MYH15: variants seen among roughly 807,000 people sequenced by gnomAD.
MYH15 encodes the protein myosin-15.
MYH15 carries 227 observed loss-of-function variants against 240.5 expected under a neutral mutation model. The ratio of observed to expected loss-of-function variants is 0.94; its 90% confidence interval spans 0.85 to 1.05. MYH15 has a LOEUF of 1.05. MYH15 is among the 50% of genes least tolerant of loss of function. The pLI, the probability that MYH15 is intolerant of heterozygous loss-of-function variation, is 0.00. For synonymous variants in MYH15, 785 were observed against 796.7 expected (o/e 0.99, Z 0.25); for missense variants, 2,217 against 2,247.5 (o/e 0.99, Z 0.27).
At chr3:108,463,383 C>G (rs951907075) in intron 15 of MYH15, 140 bp from the exon 16 acceptor site, 6 of 916,974 alleles carry the variant, frequency 6.5e-6, no homozygotes, top group Non-Finnish European at 9.7e-6. Context: ...GGCATAGTCA[C>G]AGTTCACTGT....
rs1261460561 is a variant in MYH15 at position 108,428,352 on chromosome 3, C to G, written c.3702+140G>C. The G allele has an allele frequency of 1.4e-5, 15 of 1,050,442 alleles. No individual in the cohort carries two copies. The Admixed American group carries it at 3.0e-4, about 21-fold the overall frequency. The allele number at this position is 1,050,442 out of a possible 1,614,324, so 65.1% of individuals were successfully genotyped here. ...CCACTAAGGTCAGGCCTGATCTATT[C>G]CGTCCAAAGGACTATAGTCTTCATT... is the stretch of plus-strand genomic sequence containing the variant. On this transcript the variant is annotated intron_variant, in intron 27 of 40. Coordinates refer to ENST00000693548, the MANE Select transcript of MYH15 (RefSeq NM_014981.3).
Position 108,505,809 on chromosome 3 carries a change from G to A in MYH15, c.109C>T (p.Pro37Ser), listed in dbSNP as rs776364938. The A allele has an allele frequency of 3.1e-6, 5 of 1,598,946 alleles. No individual in the cohort carries two copies. In the Admixed American group the frequency reaches 5.1e-5, roughly 16 times the overall value. The change falls in exon 2 of 41, where the codon CCT (proline) becomes TCT (serine). Residue 37 changes from proline to serine, a missense_variant. Transcript: ENST00000693548. ...TCGATATAAGCATTCTCACCATCAG[G>A]AATCCAGCATTTCTTCTTCCCTGTA... ...ALDGKKKCWI[P>S]DGENAYIEAE... is the part of the protein sequence containing the mutation.
the MYH15 span, among the ~76,000 whole-genome samples, chr3:108,544,780 C>T: frequency 6.6e-6 from 1 of 152,076 alleles, no homozygotes. Context: ...TCTCTGTAAA[C>T]ACAACACATA....
intron 35 of MYH15, among the ~76,000 whole-genome samples, chr3:108,394,858 T>C (rs370583881): frequency 2.0e-5 from 3 of 152,212 alleles, no homozygotes; most frequent in Non-Finnish European, 4.4e-5. Context: ...TCGCAGTGTA[T>C]ATAAAAGGCA....
intron 21 of MYH15, among the ~76,000 whole-genome samples, chr3:108,451,378 T>A (rs1445555186): frequency 6.6e-6 from 1 of 151,648 alleles, no homozygotes; most frequent in Non-Finnish European, 1.5e-5. Flanking sequence ...AGACTCTGTC[T>A]CAAAAAATAA....
At chr3:108,511,041 G>A (rs56116347), upstream of MYH15, among the ~76,000 whole-genome samples, 668 of 152,120 alleles carry the variant, frequency 4.4e-3, 5 homozygotes, top group African/African-American at 0.015. Context: ...ATGCCACCCT[G>A]CGCCATGGAG....
intron 9 of MYH15, among the ~76,000 whole-genome samples, chr3:108,488,100 ACT>A (rs2083319696): frequency 6.6e-6 from 1 of 151,672 alleles, no homozygotes; most frequent in Non-Finnish European, 1.5e-5. Context: ...TTTAAAATCT[ACT>A]CTGTTAGCCA....
rs778103537 is a variant in MYH15 at position 108,399,189 on chromosome 3, C to T, written c.4815G>A (p.Arg1605=). ...GGTCCTCTTCCATCTTCTTCTTCAG[C>T]CGGGTAACCTCAATTCTGCTCTTAG... ...SEAKSRIEVT[R]LKKKMEEDLN... The change falls in exon 34 of 41, where the codon CGG becomes CGA. Residue 1605 remains arginine (R), a synonymous_variant. Coordinates refer to ENST00000693548, the MANE Select transcript of MYH15 (RefSeq NM_014981.3). The T allele has an allele frequency of 3.2e-5, 51 of 1,614,172 alleles. No homozygotes were observed. The highest frequency in any genetic ancestry group is 3.8e-5 in the Non-Finnish European group (45 of 1,180,022).
intron 11 of MYH15, among the ~76,000 whole-genome samples, chr3:108,480,863 C>A (rs987933529): frequency 1.3e-5 from 2 of 152,134 alleles, no homozygotes; most frequent in Non-Finnish European, 2.9e-5. Flanking sequence ...GGCTAAGATG[C>A]CCCTTTGGGT....
intron 32 of MYH15, among the ~76,000 whole-genome samples, chr3:108,406,163 C>T (rs1410197689): frequency 1.3e-5 from 2 of 151,964 alleles, no homozygotes; most frequent in Non-Finnish European, 2.9e-5. Context: ...CTTTAAAACC[C>T]GTCCTGAAGC....
chr3:108,462,532 A>G (rs944054343), intron 16 of MYH15, among the ~76,000 whole-genome samples: 1 of 152,104 alleles, frequency 6.6e-6, no homozygotes, highest in Non-Finnish European at 1.5e-5. Flanking sequence ...CATTCTGTAT[A>G]TATCTTAAAG....
At chr3:108,459,285 T>C (rs2083050911) in intron 18 of MYH15, 77 bp downstream of exon 18, 1 of 923,630 alleles carries the variant, frequency 1.1e-6, no homozygotes, top group Non-Finnish European at 1.6e-6. Flanking sequence ...CCAATAAATA[T>C]TTCTTTAAAA....
chr3:108,496,150 T>A, intron 6 of MYH15, among the ~76,000 whole-genome samples: 1 of 152,182 alleles, frequency 6.6e-6, no homozygotes, highest in East Asian at 1.9e-4. Context: ...GAAAAGCAAA[T>A]GGTCACCAAA....
chr3:108,483,101 G>A (rs1412584312), intron 11 of MYH15, among the ~76,000 whole-genome samples: 2 of 151,690 alleles, frequency 1.3e-5, no homozygotes, highest in Non-Finnish European at 1.5e-5. Context: ...TCGGGAGGCT[G>A]AGGCACAAGA....
At position 108,462,045 on chromosome 3, in the gene MYH15, A is replaced by G. The variant is rs540161834; in HGVS notation, c.1864+1066T>C. 12 of 152,300 alleles carry G rather than the reference A, an allele frequency of 7.9e-5. No individual in the cohort carries two copies. The East Asian group carries it at 2.3e-3, about 29-fold the overall frequency. The allele number at this position is 152,300 out of a possible 1,614,324, so 9.4% of individuals were successfully genotyped here. ...TTCCCCAGAATTTCCATTTTTCAAA[A>G]GAAAACGGAAACTCAAATGTGCATG... On this transcript the variant is annotated intron_variant, in intron 16 of 40. Coordinates refer to ENST00000693548, the MANE Select transcript of MYH15 (RefSeq NM_014981.3).
In MYH15 at chr3:108,464,778, T is replaced by C. The variant is rs2083100946; in HGVS notation, c.1591A>G (p.Met531Val). The C allele has an allele frequency of 1.2e-6, 2 of 1,612,680 alleles. No individual in the cohort carries two copies. The highest frequency in any genetic ancestry group is 1.1e-5 in the South Asian group (1 of 90,718). ...GILSILEEEC[M>V]FPKATDLTFK... ...GTCAGGTCTGTAGCCTTAGGAAACA[T>C]ACACTCTTCTTCAAGGATGGAAAGG... is the stretch of plus-strand genomic sequence containing the variant. Residue 531 changes from methionine (M) to valine (V), a missense_variant, in exon 15 of 41, where the codon ATG becomes GTG. Coordinates refer to ENST00000693548, the MANE Select transcript of MYH15 (RefSeq NM_014981.3).
At chr3:108,420,757 A>G (rs1052789915) in intron 28 of MYH15, among the ~76,000 whole-genome samples, 1 of 152,186 alleles carries the variant, frequency 6.6e-6, no homozygotes, top group Non-Finnish European at 1.5e-5. Flanking sequence ...TAAATATTCA[A>G]TGAGGTAGAA....
intron 3 of MYH15, 60 bp from the exon 4 acceptor site, chr3:108,500,334 G>C: frequency 6.5e-7 from 1 of 1,531,958 alleles, no homozygotes; most frequent in South Asian, 1.2e-5. Flanking sequence ...AGGTTTGTCA[G>C]CTCTTCCAGT....
Position 108,421,216 on chromosome 3 carries a change from T to C in MYH15, c.3703-2A>G, listed in dbSNP as rs779014455. ...AGTACAGAGTTTCTCAGCATTTGCC[T>C]ATAAGTTGAGAAAGAAGGGCTGGTC... On this transcript the variant is annotated splice_acceptor_variant, in intron 27 of 40. Coordinates refer to ENST00000693548, the MANE Select transcript of MYH15 (RefSeq NM_014981.3). LOFTEE classifies it high-confidence loss of function. 1 of 1,611,192 alleles carries C rather than the reference T, an allele frequency of 6.2e-7. No homozygotes were observed. The highest frequency in any genetic ancestry group is 8.5e-7 in the Non-Finnish European group (1 of 1,179,576).
Sources: allele counts gnomAD v4.1 joint callset (sites outside exome capture counted in the v4.1 genomes callset), GRCh38; gene constraint gnomAD v4.1.1; transcripts MANE v1.5; gene names NCBI Gene and HGNC (gene_info 2026-07-23, HGNC 2026-07-21).